The following IGF1 variants were observed in gnomAD, a reference collection of about 807,000 sequenced individuals.
IGF1 encodes insulin-like growth factor 1.
A neutral mutation model predicts 13.8 loss-of-function variants in IGF1; 4 were observed. The observed-to-expected ratio is 0.29, with a 90% confidence interval of 0.14 to 0.66. IGF1 has a LOEUF of 0.66. Ranked by LOEUF, IGF1 falls within the 30% of genes least tolerant of loss-of-function variation. The pLI, the probability that IGF1 is intolerant of heterozygous loss-of-function variation, is 0.78. For missense variants in IGF1, 124 were observed against 188.5 expected (o/e 0.66, Z 2.00); for synonymous variants, 76 against 72.6 (o/e 1.05, Z -0.23).
chr12:102,453,067 G>A (rs554469772), intron 2 of IGF1, among the ~76,000 whole-genome samples: 18 of 152,314 alleles, frequency 1.2e-4, no homozygotes, highest in Non-Finnish European at 2.4e-4. Context: ...AGAATGAAAG[G>A]AGTCTTCTCA....
chr12:102,461,230 C>T (rs1283790608), intron 2 of IGF1, among the ~76,000 whole-genome samples: 2 of 152,192 alleles, frequency 1.3e-5, no homozygotes, highest in African/African-American at 4.8e-5. Flanking sequence ...TGAAGAAGCA[C>T]ACCCTTCAGA....
At chr12:102,462,546 G>A (rs1285688716) in intron 2 of IGF1, among the ~76,000 whole-genome samples, 1 of 152,164 alleles carries the variant, frequency 6.6e-6, no homozygotes, top group Non-Finnish European at 1.5e-5. Flanking sequence ...TGCATGCAAA[G>A]CACCGATAAT....
At chr12:102,466,006 A>C (rs1386707020) in intron 2 of IGF1, among the ~76,000 whole-genome samples, 1 of 152,030 alleles carries the variant, frequency 6.6e-6, no homozygotes, top group Non-Finnish European at 1.5e-5. Context: ...ACTTCTTTTT[A>C]ATTTGCTCCA....
chr12:102,446,124 C>T (rs190074755), intron 2 of IGF1, among the ~76,000 whole-genome samples: 18 of 152,266 alleles, frequency 1.2e-4, no homozygotes, highest in Admixed American at 1.1e-3. Flanking sequence ...TTCAGTTTGC[C>T]AGTATTTTAC....
intron 2 of IGF1, among the ~76,000 whole-genome samples, chr12:102,444,761 G>T (rs1478232305): frequency 6.6e-6 from 1 of 152,042 alleles, no homozygotes; most frequent in Non-Finnish European, 1.5e-5. Flanking sequence ...AAATGAATAG[G>T]CAAGGCAAAG....
chr12:102,458,365 A>G (rs1419287951), intron 2 of IGF1, among the ~76,000 whole-genome samples: 2 of 152,168 alleles, frequency 1.3e-5, no homozygotes, highest in Non-Finnish European at 2.9e-5. Flanking sequence ...TGAGGCATGC[A>G]ATAGTGTTTT....
chr12:102,406,926 C>G (rs928352028), intron 3 of IGF1, among the ~76,000 whole-genome samples: 2 of 151,902 alleles, frequency 1.3e-5, no homozygotes, highest in African/African-American at 4.8e-5. Context: ...AACCCCGTCT[C>G]TACTAAAAAT....
At position 102,475,757 on chromosome 12, in the gene IGF1, C is replaced by T. The variant is rs1401077766; in HGVS notation, c.106G>A (p.Ala36Thr). Residue 36 changes from alanine to threonine, a missense_variant, in exon 2 of 4, where the codon GCG becomes ACG. By Grantham distance (58) the Ala-to-Thr change is moderately conservative. Coordinates refer to ENST00000337514, the MANE Select transcript of IGF1 (RefSeq NM_000618.5). ...CTGGTGAAGGTGAGCAGGCACAGCGCCAGGTAGAAGAGATGCGAGGAGGAC... is the reference window on the plus strand; with the variant it reads ...CTGGTGAAGGTGAGCAGGCACAGCGTCAGGTAGAAGAGATGCGAGGAGGAC... ...TMSSSHLFYL[A>T]LCLLTFTSSA... 1 of 1,614,162 alleles carries T rather than the reference C, an allele frequency of 6.2e-7. No individual in the cohort carries two copies. Among genetic ancestry groups the T allele is most frequent in the Admixed American group, 1.7e-5 (1 of 60,022 alleles).
chr12:102,475,737 G>A lies in IGF1; in HGVS notation c.126C>T (p.Phe42=), dbSNP rs1880980753. 6.2e-7 allele frequency: 1 copy of A among 1,614,228 alleles called. No homozygotes were observed. The highest frequency in any genetic ancestry group is 8.5e-7 in the Non-Finnish European group (1 of 1,180,046). The change falls in exon 2 of 4, where the codon TTC becomes TTT. Residue 42 remains phenylalanine, a synonymous_variant. Coordinates refer to ENST00000337514, the MANE Select transcript of IGF1 (RefSeq NM_000618.5). The part of the protein sequence containing the change: ...LFYLALCLLT[F]TSSATAGPET... ...CCGGTCCAGCCGTGGCAGAGCTGGTGAAGGTGAGCAGGCACAGCGCCAGGT... is the reference window on the plus strand; with the variant it reads ...CCGGTCCAGCCGTGGCAGAGCTGGTAAAGGTGAGCAGGCACAGCGCCAGGT...
chr12:102,467,233 G>A (rs1055099422), intron 2 of IGF1, among the ~76,000 whole-genome samples: 1 of 152,028 alleles, frequency 6.6e-6, no homozygotes, highest in African/African-American at 2.4e-5. Flanking sequence ...AGTTTAAAAG[G>A]GTCCCTCAAA....
intron 2 of IGF1, among the ~76,000 whole-genome samples, chr12:102,466,610 T>G (rs1236431112): frequency 6.6e-6 from 1 of 152,078 alleles, no homozygotes; most frequent in Non-Finnish European, 1.5e-5. Flanking sequence ...TAAGGTAAGA[T>G]TTTAAAACAG....
At chr12:102,408,360 T>C (rs533506914) in intron 3 of IGF1, among the ~76,000 whole-genome samples, 4 of 152,282 alleles carry the variant, frequency 2.6e-5, no homozygotes, top group East Asian at 1.9e-4. Context: ...TCCAGGAGAG[T>C]TGGATCAGCC....
intron 2 of IGF1, among the ~76,000 whole-genome samples, chr12:102,459,624 GA>G (rs1879739232): frequency 6.6e-6 from 1 of 152,140 alleles, no homozygotes; most frequent in Non-Finnish European, 1.5e-5. Flanking sequence ...CATTGGCTGG[GA>G]ACCTGGCCTT....
rs773486434 is a variant in IGF1, at chr12:102,398,521, A to G, written c.*3986T>C. On this transcript the variant is annotated 3_prime_UTR_variant, in exon 4 of 4. Transcript: ENST00000337514. ...CCCGCGTTTATTCTCCATGCTCTTG[A>G]TCAAGTTCAGAAGATTGGATAATAT... 8.5e-5 allele frequency: 13 copies of G among 152,112 alleles called. No homozygotes were observed. The highest frequency in any genetic ancestry group is 1.3e-4 in the Non-Finnish European group (9 of 68,032). The allele number at this position is 152,112 out of a possible 1,614,324, so 9.4% of individuals were successfully genotyped here.
chr12:102,439,872 A>G (rs189845606), intron 2 of IGF1, among the ~76,000 whole-genome samples: 288 of 152,288 alleles, frequency 1.9e-3, no homozygotes, highest in African/African-American at 6.8e-3. Context: ...AGGACTAGAC[A>G]AGGGTAAACA....
At chr12:102,473,464 T>C (rs2137261670) in intron 2 of IGF1, among the ~76,000 whole-genome samples, 1 of 152,308 alleles carries the variant, frequency 6.6e-6, no homozygotes, top group Non-Finnish European at 1.5e-5. Context: ...TCCAGTTGAC[T>C]AGAAAGTTAG....
rs779747554 is a variant in IGF1, at chr12:102,480,394, A to G, written c.-13T>C. The G allele has an allele frequency of 5.0e-6, 8 of 1,613,470 alleles. No homozygotes were observed. Among genetic ancestry groups the G allele is most frequent in the Non-Finnish European group, 6.8e-6 (8 of 1,179,596 alleles). On this transcript the variant is annotated 5_prime_UTR_variant, in exon 1 of 4. Transcript: ENST00000337514. ...TGATTTTTCCCATTGCTTCTGAAGT[A>G]CAAAGTCTGAAAATGAATTGGTTAG...
chr12:102,429,288 ATAT>A (rs1192128922), intron 2 of IGF1, among the ~76,000 whole-genome samples: 1 of 152,126 alleles, frequency 6.6e-6, no homozygotes, highest in Admixed American at 6.6e-5. Flanking sequence ...TATTCTTAAT[ATAT>A]TATTGCTTAA....
At position 102,480,453 on chromosome 12, in the gene IGF1, A is replaced by G. The variant is rs1881335111; in HGVS notation, c.-72T>C. On this transcript the variant is annotated 5_prime_UTR_variant, in exon 1 of 4. Transcript: ENST00000337514. ...ATGAAGCAAAAAGAAATCCAGAGAG[A>G]TGGGAGATGTTGAGAGCAATGTCAC... 6.2e-7 allele frequency: 1 copy of G among 1,608,394 alleles called. No individual in the cohort carries two copies. The highest frequency in any genetic ancestry group is 8.5e-7 in the Non-Finnish European group (1 of 1,177,924).
Sources: gnomAD v4.1 joint callset for allele counts (sites outside exome capture counted in the v4.1 genomes callset) on GRCh38, gnomAD v4.1.1 for gene constraint, MANE v1.5 for transcripts, NCBI Gene and HGNC (gene_info 2026-07-23, HGNC 2026-07-21) for gene names.